The following NSRP1 variants were observed in gnomAD, a reference collection of about 807,000 sequenced individuals.
NSRP1 encodes nuclear speckle splicing regulatory protein 1.
NSRP1 carries 24 observed loss-of-function variants against 54.7 expected under a neutral mutation model. The ratio of observed to expected loss-of-function variants is 0.44; its 90% CI spans 0.32 to 0.62. NSRP1 has a LOEUF of 0.62. NSRP1 is among the 20% of genes least tolerant of loss of function. The pLI is 0.06. For missense variants in NSRP1, 596 were observed against 651.2 expected, an observed-to-expected ratio of 0.92 and a Z score of 0.92; for synonymous variants, 210 against 213.8, an observed-to-expected ratio of 0.98 and a Z score of 0.15.
At chr17:30,120,906 A>G (rs1435116817) in intron 2 of NSRP1, among the ~76,000 whole-genome samples, 3 of 152,232 alleles carry the variant, frequency 2.0e-5, no homozygotes, top group Non-Finnish European at 4.4e-5. Flanking sequence ...AGAGAATGAA[A>G]TGATTCACTT....
chr17:30,128,709 A>G (rs767591377), intron 2 of NSRP1, among the ~76,000 whole-genome samples: 1 of 152,164 alleles, frequency 6.6e-6, no homozygotes, highest in Non-Finnish European at 1.5e-5. Context: ...TCTCTTTATG[A>G]TCGTAAAAAT....
At chr17:30,164,489 T>A (rs1904659811) in intron 2 of NSRP1, among the ~76,000 whole-genome samples, 1 of 152,118 alleles carries the variant, frequency 6.6e-6, no homozygotes, top group African/African-American at 2.4e-5. Context: ...AATTTAAAAC[T>A]AACGATTTTA....
At chr17:30,173,112 T>A (rs1311255421) in intron 3 of NSRP1, among the ~76,000 whole-genome samples, 1 of 152,036 alleles carries the variant, frequency 6.6e-6, no homozygotes, top group Non-Finnish European at 1.5e-5. Flanking sequence ...TAAAGGCGCA[T>A]GCCACCATGC....
chr17:30,147,447 G>T (rs142908582), intron 2 of NSRP1, among the ~76,000 whole-genome samples: 12 of 150,340 alleles, frequency 8.0e-5, no homozygotes, highest in African/African-American at 2.2e-4. Context: ...TGTTTGTTTG[G>T]TTGGTTGGTT....
At chr17:30,151,440 TAC>T (rs1358456090) in intron 2 of NSRP1, among the ~76,000 whole-genome samples, 1 of 152,200 alleles carries the variant, frequency 6.6e-6, no homozygotes, top group Non-Finnish European at 1.5e-5. Context: ...ACTGTATTCT[TAC>T]AGTTAAGCTA....
chr17:30,138,134 A>T (rs2071766255), intron 2 of NSRP1, among the ~76,000 whole-genome samples: 1 of 152,132 alleles, frequency 6.6e-6, no homozygotes, highest in Non-Finnish European at 1.5e-5. Flanking sequence ...TGACGGGGTT[A>T]TTTCACTTAG....
At position 30,185,500 on chromosome 17, in the gene NSRP1, A is replaced by G; in HGVS notation, c.1503A>G (p.Arg501=). 6.2e-7 allele frequency: 1 copy of G among 1,613,952 alleles called. No individual in the cohort carries two copies. ...NSESSLGAKH[R]LTEEGQEKGK... ...AATCATCACTGGGAGCAAAACACAG[A>G]CTCACAGAGGAAGGGCAAGAGAAGG... The change falls in exon 7 of 7, where the codon AGA becomes AGG. Residue 501 remains arginine, a synonymous_variant. Transcript: ENST00000247026.
Position 30,173,472 on chromosome 17 carries a change from T to C in NSRP1, c.171+874T>C, listed in dbSNP as rs1905027579. 2.0e-5 allele frequency among the ~76,000 whole-genome samples: 3 copies of C among 152,196 alleles called. No homozygotes were observed. In the South Asian group the frequency reaches 6.2e-4, roughly 32 times the overall value. ...ATTGTAGACTAGTATATCTTAGATT[T>C]TCTGCTATAGAATGTAATGAAATTA... On this transcript the variant is annotated intron_variant, in intron 3 of 6. Transcript: ENST00000247026.
chr17:30,179,341 A>G, intron 5 of NSRP1, 44 bp downstream of exon 5: 1 of 1,517,292 alleles, frequency 6.6e-7, no homozygotes, highest in South Asian at 1.4e-5. Flanking sequence ...CAGTAGCAGA[A>G]TCTCTCCCCT....
intron 2 of NSRP1, among the ~76,000 whole-genome samples, chr17:30,124,285 A>G (rs979888401): frequency 2.0e-5 from 3 of 152,184 alleles, no homozygotes; most frequent in African/African-American, 4.8e-5. Flanking sequence ...AAAAAGCGAT[A>G]TGAAATGACC....
intron 2 of NSRP1, among the ~76,000 whole-genome samples, chr17:30,171,974 T>A (rs147275023): frequency 0.027 from 1,703 of 63,396 alleles, 22 homozygotes; most frequent in African/African-American, 0.069. Flanking sequence ...ACACACACAC[T>A]CCCTCTCTCT....
intron 2 of NSRP1, among the ~76,000 whole-genome samples, chr17:30,151,717 A>G (rs79749359): frequency 0.031 from 4,688 of 150,330 alleles, 216 homozygotes; most frequent in African/African-American, 0.11. Flanking sequence ...TGCAGTTCAA[A>G]CTTGTATTGT....
intron 2 of NSRP1, among the ~76,000 whole-genome samples, chr17:30,133,233 A>G (rs1022393874): frequency 6.6e-6 from 1 of 151,306 alleles, no homozygotes; most frequent in Non-Finnish European, 1.5e-5. Context: ...GGTTACAGGT[A>G]TGAGCCACCA....
intron 2 of NSRP1, among the ~76,000 whole-genome samples, chr17:30,161,247 G>A (rs1358757210): frequency 6.6e-6 from 1 of 152,114 alleles, no homozygotes; most frequent in East Asian, 1.9e-4. Context: ...GTAAATACCT[G>A]TGCATGGAAT....
chr17:30,127,750 A>G (rs2071663569), intron 2 of NSRP1: 1 of 354,458 alleles, frequency 2.8e-6, no homozygotes, highest in Non-Finnish European at 5.0e-6. Flanking sequence ...AAAACTTTTT[A>G]ACCACTTTAA....
chr17:30,175,824 G>C (rs1372535588), intron 3 of NSRP1, among the ~76,000 whole-genome samples: 1 of 152,024 alleles, frequency 6.6e-6, no homozygotes, highest in Non-Finnish European at 1.5e-5. Context: ...TTTCCTCTGT[G>C]TTTGAAAATG....
chr17:30,171,035 T>C (rs114301042), intron 2 of NSRP1, among the ~76,000 whole-genome samples: 17 of 152,342 alleles, frequency 1.1e-4, no homozygotes, highest in African/African-American at 4.1e-4. Flanking sequence ...TTAAAGCCTG[T>C]ACTATTAAGG....
chr17:30,171,972 A>ACACTCG (rs1169988659), intron 2 of NSRP1, among the ~76,000 whole-genome samples: 1 of 46,588 alleles, frequency 2.1e-5, no homozygotes, highest in African/African-American at 6.2e-5. Flanking sequence ...ACACACACAC[A>ACACTCG]CTCCCTCTCT....
At chr17:30,166,012 A>G (rs1175423126) in intron 2 of NSRP1, among the ~76,000 whole-genome samples, 2 of 152,180 alleles carry the variant, frequency 1.3e-5, no homozygotes, top group African/African-American at 4.8e-5. Flanking sequence ...AAGTACAGCT[A>G]CTGTGTTCTC....
Sources: allele counts gnomAD v4.1 joint callset (sites outside exome capture counted in the v4.1 genomes callset), GRCh38; gene constraint gnomAD v4.1.1; transcripts MANE v1.5; gene names NCBI Gene and HGNC (gene_info 2026-07-23, HGNC 2026-07-21).